The following DPF2 variants were observed in gnomAD, a reference collection of about 807,000 sequenced individuals.
The protein encoded by DPF2 is double PHD fingers 2.
In DPF2, 10 loss-of-function variants were observed where a neutral mutation model predicts 59.6. The ratio of observed to expected loss-of-function variants is 0.17; its 90% confidence interval spans 0.10 to 0.28. The LOEUF is 0.28. Among genes scored for constraint, DPF2 ranks in the 10% least tolerant of loss-of-function variants. The pLI is 1.00. For missense variants in DPF2, 315 were observed against 509.4 expected (o/e 0.62, Z 3.67); for synonymous variants, 189 against 190.6 (o/e 0.99, Z 0.07).
chr11:65,350,169 G>A (rs990472257), intron 10 of DPF2, among the ~76,000 whole-genome samples: 9 of 152,024 alleles, frequency 5.9e-5, no homozygotes, highest in Non-Finnish European at 7.4e-5. Context: ...GTGGGACATC[G>A]AGGTAGTGGA....
chr11:65,335,996 T>TAAAACATCTACTAAA (rs1950090693), intron 1 of DPF2, among the ~76,000 whole-genome samples: 1 of 151,654 alleles, frequency 6.6e-6, no homozygotes, highest in South Asian at 2.1e-4. Context: ...GTGTTTTTAG[T>TAAAACATCTACTAAA]AGAGATGGGG....
chr11:65,337,502 T>G (rs796085345), intron 1 of DPF2, among the ~76,000 whole-genome samples: 4,471 of 32,446 alleles, frequency 0.14, 239 homozygotes, highest in Non-Finnish European at 0.16. Context: ...TATATATATA[T>G]ATAGAGAGAG....
rs1854719955 is a variant in DPF2 at position 65,352,208 on chromosome 11, A to G, written c.*449A>G. The G allele has an allele frequency of 5.3e-6, 1 of 190,426 alleles. No homozygotes were observed. The allele number at this position is 190,426 out of a possible 1,614,324, so 11.8% of individuals were successfully genotyped here. ...GAGCGAGCAAGCTGAGGCCACGTCC[A>G]CAAGGAGCTTTTCATGCCCCTGTGC... On this transcript the variant is annotated 3_prime_UTR_variant, in exon 11 of 11. Coordinates refer to ENST00000528416, the MANE Select transcript of DPF2 (RefSeq NM_006268.5).
chr11:65,340,937 C>T (rs1854349396), intron 2 of DPF2, 29 bp from the exon 3 acceptor site: 1 of 1,607,440 alleles, frequency 6.2e-7, no homozygotes, highest in Non-Finnish European at 8.5e-7. Context: ...TGGGTTAGGG[C>T]CTGACTTCTA....
At chr11:65,341,775 A>G in intron 4 of DPF2, 1 of 576,370 alleles carries the variant, frequency 1.7e-6, no homozygotes, top group East Asian at 2.9e-5. Flanking sequence ...CACTTTTATC[A>G]CAGAAGGTTA....
At position 65,346,317 on chromosome 11, in the gene DPF2, C is replaced by A; in HGVS notation, c.975C>A (p.Ile325=). The A allele has an allele frequency of 6.2e-7, 1 of 1,613,926 alleles. No homozygotes were observed. Among genetic ancestry groups the A allele is most frequent in the Middle Eastern group, 1.6e-4 (1 of 6,062 alleles). The stretch of plus-strand genomic sequence containing the variant: ...TGAAGACATACCGCTGGCAGTGCAT[C>A]GAGTGCAAATGTTGCAATATCTGCG... ...AAVKTYRWQC[I]ECKCCNICGT... Residue 325 remains isoleucine, a synonymous_variant, in exon 9 of 11, where the codon ATC becomes ATA. Transcript: ENST00000528416.
Position 65,337,452 on chromosome 11 carries a change from C to CAAAAA in DPF2, c.33-2914_33-2910dup, listed in dbSNP as rs750931920. Among the ~76,000 whole-genome samples the CAAAAA allele has an allele frequency of 8.1e-4, 11 of 13,534 alleles. 1 individual carries two copies. The highest frequency in any genetic ancestry group is 1.1e-3 in the Non-Finnish European group (9 of 7,870). 8.9% of individuals were successfully genotyped at this position (13,534 alleles called of 152,430 possible). On this transcript the variant is annotated intron_variant, in intron 1 of 10. Coordinates refer to ENST00000528416, the MANE Select transcript of DPF2 (RefSeq NM_006268.5). ...TGGGCGGCAAAGCAAGACTCTATCT[C>CAAAAA]AAAAAAAAAAAAAAAAAAAAAAATA...
chr11:65,340,262 C>G (rs746153448), intron 1 of DPF2, 123 bp from the exon 2 acceptor site: 10 of 1,145,554 alleles, frequency 8.7e-6, no homozygotes, highest in Middle Eastern at 3.1e-4. Flanking sequence ...GCAAATAGAA[C>G]GGAAGAGACA....
intron 1 of DPF2, among the ~76,000 whole-genome samples, chr11:65,335,178 C>G (rs1950080189): frequency 6.6e-6 from 1 of 151,844 alleles, no homozygotes; most frequent in African/African-American, 2.4e-5. Flanking sequence ...CTGCCCACTC[C>G]AGTTTCCCCA....
intron 1 of DPF2, among the ~76,000 whole-genome samples, chr11:65,339,419 C>A (rs905554927): frequency 6.6e-6 from 1 of 152,060 alleles, no homozygotes; most frequent in Non-Finnish European, 1.5e-5. Flanking sequence ...AAAGATTTAC[C>A]CTTGATTCAG....
In DPF2 at chr11:65,353,319, T is replaced by C. The variant is rs1388657363; in HGVS notation, c.*1560T>C. ...CTAGTCTTGGATACATAGATGGAAG[T>C]GATGACAGGTTTATAACAGTTGACC... On this transcript the variant is annotated 3_prime_UTR_variant, in exon 11 of 11. Coordinates refer to ENST00000528416, the MANE Select transcript of DPF2 (RefSeq NM_006268.5). 6.6e-6 allele frequency: 1 copy of C among 152,222 alleles called. No homozygotes were observed. The allele number at this position is 152,222 out of a possible 1,614,324, so 9.4% of individuals were successfully genotyped here. A position where few individuals can be genotyped will look rare whatever the true frequency, so the allele number is the denominator to read the frequency against.
At chr11:65,349,313 C>G (rs1173366878) in intron 10 of DPF2, among the ~76,000 whole-genome samples, 1 of 152,212 alleles carries the variant, frequency 6.6e-6, no homozygotes, top group Non-Finnish European at 1.5e-5. Context: ...ATCCCTTCCC[C>G]TTCTGAACTG....
intron 2 of DPF2, 134 bp from the exon 3 acceptor site, chr11:65,340,832 C>T (rs1854345386): frequency 3.3e-6 from 3 of 919,700 alleles, no homozygotes; most frequent in African/African-American, 1.7e-5. Flanking sequence ...TTCCACCTAA[C>T]CCCCTAGGCC....
intron 7 of DPF2, 56 bp from the exon 8 acceptor site, chr11:65,345,874 G>T: frequency 1.9e-6 from 3 of 1,613,434 alleles, no homozygotes; most frequent in Non-Finnish European, 2.5e-6. Context: ...CCTTGCATGG[G>T]TGTTGAGTGG....
intron 1 of DPF2, among the ~76,000 whole-genome samples, chr11:65,337,088 T>C (rs1011631414): frequency 1.3e-5 from 2 of 152,144 alleles, no homozygotes; most frequent in African/African-American, 4.8e-5. Context: ...AGAAAGTCTT[T>C]AAGCGTTCTT....
intron 4 of DPF2, among the ~76,000 whole-genome samples, chr11:65,343,190 T>G (rs1854429063): frequency 6.6e-6 from 1 of 150,946 alleles, no homozygotes; most frequent in African/African-American, 2.4e-5. Context: ...TTCCACCTAC[T>G]TGGGAGGCTG....
intron 8 of DPF2, 32 bp downstream of exon 8, chr11:65,346,090 C>T (rs1226242562): frequency 6.2e-6 from 10 of 1,613,170 alleles, no homozygotes; most frequent in Middle Eastern, 3.3e-4. Context: ...GCTGCTTTGC[C>T]CAGTCCCCAA....
At chr11:65,334,010 G>T in intron 1 of DPF2, 92 bp downstream of exon 1, 1 of 1,545,454 alleles carries the variant, frequency 6.5e-7, no homozygotes. Context: ...GGCGGAGAGA[G>T]GGACATCCCC....
intron 1 of DPF2, among the ~76,000 whole-genome samples, chr11:65,337,527 A>AGAGAGG (rs1854227375): frequency 7.3e-6 from 1 of 137,092 alleles, no homozygotes; most frequent in Non-Finnish European, 1.6e-5. Context: ...AGAGAGAGAG[A>AGAGAGG]GAGAGAGAGA....
Sources: gnomAD v4.1 joint callset for allele counts (sites outside exome capture counted in the v4.1 genomes callset) on GRCh38, gnomAD v4.1.1 for gene constraint, MANE v1.5 for transcripts, NCBI Gene and HGNC (gene_info 2026-07-23, HGNC 2026-07-21) for gene names.